Variants in ZNF536 observed in about 807,000 individuals in gnomAD.
The protein encoded by ZNF536 is zinc finger protein 536.
Under a neutral mutation model 84.5 loss-of-function variants are expected in ZNF536, and 13 were observed. The observed-to-expected ratio is 0.15, with a 90% CI of 0.10 to 0.24. The LOEUF (loss-of-function observed/expected upper bound fraction) is 0.24, where lower values mean the gene tolerates loss of function less well. ZNF536 is among the 10% of genes least tolerant of loss of function. ZNF536 has a pLI of 1.00. For synonymous variants in ZNF536, 811 were observed against 742.5 expected, an observed-to-expected ratio of 1.09 and a Z score of -1.50; for missense variants, 1,536 against 1,747.5, an observed-to-expected ratio of 0.88 and a Z score of 2.16.
chr19:30,629,016 T>G (rs2147217931), intron 1 of ZNF536, among the ~76,000 whole-genome samples: 1 of 152,216 alleles, frequency 6.6e-6, no homozygotes, highest in East Asian at 1.9e-4. Context: ...GAGTCACTTT[T>G]AAAGCACCTA....
intron 1 of ZNF536, among the ~76,000 whole-genome samples, chr19:30,266,046 A>G (rs1194513544): frequency 6.6e-6 from 1 of 151,666 alleles, no homozygotes; most frequent in East Asian, 1.9e-4. Context: ...ACATACCAAC[A>G]TGGCTGGCTA....
intron 2 of ZNF536, among the ~76,000 whole-genome samples, chr19:30,532,378 G>A (rs1016859701): frequency 2.6e-5 from 4 of 151,994 alleles, no homozygotes; most frequent in South Asian, 2.1e-4. Context: ...TGATCCACCC[G>A]CCTCAGCCTC....
intron 2 of ZNF536, among the ~76,000 whole-genome samples, chr19:30,348,739 A>C (rs990572977): frequency 6.6e-6 from 1 of 152,094 alleles, no homozygotes; most frequent in African/African-American, 2.4e-5. Flanking sequence ...CAAAAGTACC[A>C]AGTGCCATGC....
chr19:30,675,459 A>G (rs779161790), intron 1 of ZNF536, among the ~76,000 whole-genome samples: 8 of 152,222 alleles, frequency 5.3e-5, no homozygotes, highest in Non-Finnish European at 1.2e-4. Context: ...GGCTGGTCCT[A>G]CTCTCAGGGC....
intron 2 of ZNF536, among the ~76,000 whole-genome samples, chr19:30,347,176 A>G (rs527330506): frequency 1.3e-5 from 2 of 149,666 alleles, no homozygotes; most frequent in South Asian, 4.2e-4. Context: ...CAAATTCTTG[A>G]TTCTGCAGAT....
At chr19:30,354,997 G>C (rs994531504) in intron 3 of ZNF536, among the ~76,000 whole-genome samples, 2 of 152,138 alleles carry the variant, frequency 1.3e-5, no homozygotes, top group Non-Finnish European at 2.9e-5. Flanking sequence ...ATGCCCTCCC[G>C]ATTCTTTGCA....
At chr19:30,344,752 C>A (rs2047687206) in intron 2 of ZNF536, among the ~76,000 whole-genome samples, 1 of 152,118 alleles carries the variant, frequency 6.6e-6, no homozygotes, top group African/African-American at 2.4e-5. Flanking sequence ...TTTGGAGACC[C>A]CTGCATTCAT....
chr19:30,556,937 G>T, intron 4 of ZNF536: 1 of 533,598 alleles, frequency 1.9e-6, no homozygotes, highest in South Asian at 2.3e-5. Context: ...CTATTACTTA[G>T]TGCTGATCAA....
chr19:30,523,895 C>T (rs1439718491), intron 2 of ZNF536, among the ~76,000 whole-genome samples: 1 of 152,208 alleles, frequency 6.6e-6, no homozygotes, highest in Non-Finnish European at 1.5e-5. Context: ...TTTTTAGTTT[C>T]TTTCAATGTG....
intron 2 of ZNF536, among the ~76,000 whole-genome samples, chr19:30,497,352 T>C (rs2054764257): frequency 6.6e-6 from 1 of 152,194 alleles, no homozygotes; most frequent in South Asian, 2.1e-4. Context: ...TCATTCCTCA[T>C]GCACAATAAC....
At chr19:30,566,913 T>A (rs1018942076) in intron 1 of ZNF536, among the ~76,000 whole-genome samples, 1 of 135,108 alleles carries the variant, frequency 7.4e-6, no homozygotes, top group East Asian at 2.4e-4. Context: ...GGTCCCCGCA[T>A]GTGGCCTCTC....
At chr19:30,436,530 A>T in intron 1 of ZNF536, 1 of 985,060 alleles carries the variant, frequency 1.0e-6, no homozygotes, top group South Asian at 4.7e-5. Context: ...TGTAAGCATG[A>T]AATCTCTGGT....
At chr19:30,541,146 T>C (rs535702398) in intron 3 of ZNF536, among the ~76,000 whole-genome samples, 1 of 152,300 alleles carries the variant, frequency 6.6e-6, no homozygotes, top group East Asian at 1.9e-4. Context: ...GGCTGGTACA[T>C]AAACATGGGT....
At chr19:30,365,232 G>GCTCTCTCT (rs145597145) in intron 3 of ZNF536, among the ~76,000 whole-genome samples, 2 of 150,436 alleles carry the variant, frequency 1.3e-5, no homozygotes, top group East Asian at 3.9e-4. Flanking sequence ...ATAGGCATGT[G>GCTCTCTCT]CTCTCTCTCT....
At chr19:30,689,173 G>C (rs1330563877) in intron 1 of ZNF536, among the ~76,000 whole-genome samples, 1 of 152,244 alleles carries the variant, frequency 6.6e-6, no homozygotes, top group African/African-American at 2.4e-5. Flanking sequence ...AAGAGCTGAA[G>C]GTAGAGAGCT....
chr19:30,438,425 TA>T (rs1264765241), intron 1 of ZNF536, among the ~76,000 whole-genome samples: 3 of 152,174 alleles, frequency 2.0e-5, no homozygotes, highest in Non-Finnish European at 4.4e-5. Context: ...TCCAGGTGAA[TA>T]ATTTGTGACT....
chr19:30,657,712 T>C (rs1467125374), intron 1 of ZNF536, among the ~76,000 whole-genome samples: 2 of 152,246 alleles, frequency 1.3e-5, no homozygotes, highest in African/African-American at 4.8e-5. Context: ...GATGTTCTCT[T>C]TGACTTCTCC....
At chr19:30,399,774 G>C (rs965144079) in intron 1 of ZNF536, among the ~76,000 whole-genome samples, 1 of 144,002 alleles carries the variant, frequency 6.9e-6, no homozygotes, top group East Asian at 2.1e-4. Context: ...TGCAATCTCC[G>C]CCTCCCGGGT....
chr19:30,522,973 G>A (rs1478274446), intron 2 of ZNF536, among the ~76,000 whole-genome samples: 1 of 152,148 alleles, frequency 6.6e-6, no homozygotes, highest in Non-Finnish European at 1.5e-5. Flanking sequence ...TCATCTATGC[G>A]AAGCTCAGTG....
Sources: allele counts gnomAD v4.1 joint callset (sites outside exome capture counted in the v4.1 genomes callset), GRCh38; gene constraint gnomAD v4.1.1; transcripts MANE v1.5; gene names NCBI Gene and HGNC (gene_info 2026-07-23, HGNC 2026-07-21).